PHF21B: variants seen among roughly 807,000 people sequenced by gnomAD.
The protein encoded by PHF21B is PHD finger protein 21B.
PHF21B carries 22 observed loss-of-function variants against 62.2 expected under a neutral mutation model. That is an observed-to-expected ratio of 0.35 (90% CI 0.25 to 0.51). The LOEUF is 0.51. Among genes scored for constraint, PHF21B ranks in the 20% least tolerant of loss-of-function variants. The pLI is 0.97. For missense variants in PHF21B, 701 were observed against 707.9 expected (o/e 0.99, Z 0.11); for synonymous variants, 341 against 314.7 (o/e 1.08, Z -0.88).
intron 2 of PHF21B, among the ~76,000 whole-genome samples, chr22:44,949,321 A>AG (rs1367998791): frequency 6.6e-6 from 1 of 151,394 alleles, no homozygotes; most frequent in African/African-American, 2.4e-5. Flanking sequence ...AAAAAAAAAA[A>AG]AAAAGAAAAA....
chr22:44,941,865 G>T (rs958830281), intron 2 of PHF21B, among the ~76,000 whole-genome samples: 2 of 152,194 alleles, frequency 1.3e-5, no homozygotes, highest in Admixed American at 1.3e-4. Context: ...CCCAGGTACA[G>T]GGGACACAGC....
chr22:44,906,913 G>C (rs2071260993), intron 5 of PHF21B, among the ~76,000 whole-genome samples: 1 of 151,944 alleles, frequency 6.6e-6, no homozygotes, highest in Admixed American at 6.5e-5. Flanking sequence ...AGAAGGGGAA[G>C]CACAGTCAGC....
intron 2 of PHF21B, among the ~76,000 whole-genome samples, chr22:45,007,912 G>A (rs142063643): frequency 7.2e-5 from 11 of 152,080 alleles, no homozygotes; most frequent in South Asian, 4.2e-4. Context: ...GGGCCCGGAG[G>A]GGGGGGAGCG....
In PHF21B at chr22:44,951,034, G is replaced by A. The variant is rs568263163; in HGVS notation, c.121-30544C>T. ...TCTGACGTAAAGCCTGCCGCCAGACGCAGCGGTACAACTGAAGTACATCAA... is the reference window on the plus strand; with the variant it reads ...TCTGACGTAAAGCCTGCCGCCAGACACAGCGGTACAACTGAAGTACATCAA... On this transcript the variant is annotated intron_variant, in intron 2 of 12. Transcript: ENST00000313237. Among the ~76,000 whole-genome samples, 58 of 152,212 alleles carry A rather than the reference G, an allele frequency of 3.8e-4. No individual in the cohort carries two copies. In the Middle Eastern group the frequency reaches 0.01, roughly 27 times the overall value.
Position 44,952,274 on chromosome 22 carries a change from C to T in PHF21B, c.121-31784G>A, listed in dbSNP as rs190054694. ...AGGAGAATCGCTTGAACTCGAGAGT[C>T]GGAGGTTGCAGTGAGCCGAGATCGC... On this transcript the variant is annotated intron_variant, in intron 2 of 12. Transcript: ENST00000313237. 6.5e-4 allele frequency among the ~76,000 whole-genome samples: 99 copies of T among 152,118 alleles called. 1 individual carries two copies. The East Asian group carries it at 0.013, about 20-fold the overall frequency.
chr22:44,927,730 T>G (rs1253544465), intron 2 of PHF21B, among the ~76,000 whole-genome samples: 1 of 152,178 alleles, frequency 6.6e-6, no homozygotes. Context: ...CATTTTTTTC[T>G]GGCAAGGGCT....
intron 12 of PHF21B, among the ~76,000 whole-genome samples, chr22:44,884,289 ATT>A (rs1409018450): frequency 1.6e-5 from 2 of 127,230 alleles, no homozygotes; most frequent in Admixed American, 7.4e-5. Context: ...CATGATCACC[ATT>A]ATCACCACCA....
At chr22:44,995,992 G>A (rs889353541) in intron 2 of PHF21B, among the ~76,000 whole-genome samples, 4 of 152,158 alleles carry the variant, frequency 2.6e-5, no homozygotes, top group Non-Finnish European at 5.9e-5. Flanking sequence ...ATCTGCAGGG[G>A]TGTCCCTTCT....
At chr22:44,890,820 G>A (rs540827235) in intron 8 of PHF21B, among the ~76,000 whole-genome samples, 8 of 152,368 alleles carry the variant, frequency 5.3e-5, no homozygotes, top group African/African-American at 1.9e-4. Context: ...GGAGCCCTCG[G>A]CTCCAACACA....
chr22:44,899,981 CT>C (rs2071128790), intron 5 of PHF21B, among the ~76,000 whole-genome samples: 1 of 152,136 alleles, frequency 6.6e-6, no homozygotes, highest in African/African-American at 2.4e-5. Flanking sequence ...TACTTCTATG[CT>C]GTTAAAAATG....
chr22:44,968,326 A>G (rs1379790898), intron 2 of PHF21B, among the ~76,000 whole-genome samples: 6 of 152,174 alleles, frequency 3.9e-5, no homozygotes, highest in Non-Finnish European at 7.4e-5. Flanking sequence ...GATGCAACAC[A>G]TATTGAGTAT....
At chr22:44,991,232 T>C in intron 2 of PHF21B, among the ~76,000 whole-genome samples, 1 of 151,998 alleles carries the variant, frequency 6.6e-6, no homozygotes, top group East Asian at 1.9e-4. Flanking sequence ...CAAAAAAGCT[T>C]GATGTGCACG....
At chr22:44,992,140 C>T (rs1430534075) in intron 2 of PHF21B, among the ~76,000 whole-genome samples, 1 of 152,240 alleles carries the variant, frequency 6.6e-6, no homozygotes, top group Non-Finnish European at 1.5e-5. Flanking sequence ...CTAACTTCAG[C>T]AGAAATTCAG....
chr22:44,952,180 T>TA (rs1366329776), intron 2 of PHF21B, among the ~76,000 whole-genome samples: 5 of 151,906 alleles, frequency 3.3e-5, no homozygotes, highest in African/African-American at 7.3e-5. Context: ...TCGTCTCTAT[T>TA]AAAAAAACAA....
intron 2 of PHF21B, among the ~76,000 whole-genome samples, chr22:44,949,472 T>C (rs1220597075): frequency 6.6e-6 from 1 of 152,200 alleles, no homozygotes; most frequent in Non-Finnish European, 1.5e-5. Context: ...AATTTGGCTT[T>C]GAATGCAGCC....
chr22:44,954,321 G>A (rs1009650780), intron 2 of PHF21B, among the ~76,000 whole-genome samples: 17 of 152,244 alleles, frequency 1.1e-4, no homozygotes, highest in Non-Finnish European at 1.9e-4. Context: ...ACCCAGCGCA[G>A]GACACGCAGG....
At chr22:45,004,898 A>G (rs973456182) in intron 2 of PHF21B, among the ~76,000 whole-genome samples, 1 of 152,238 alleles carries the variant, frequency 6.6e-6, no homozygotes, top group Non-Finnish European at 1.5e-5. Context: ...GGTAGTGCAC[A>G]AGGTCCCAAG....
intron 5 of PHF21B, chr22:44,901,633 A>G (rs1415493589): frequency 8.6e-6 from 4 of 467,092 alleles, no homozygotes; most frequent in Non-Finnish European, 1.4e-5. Context: ...ACCCGAAGCC[A>G]AGAAGGCTGA....
chr22:44,888,641 G>A (rs914385663), intron 9 of PHF21B, among the ~76,000 whole-genome samples: 4 of 152,190 alleles, frequency 2.6e-5, no homozygotes, highest in Admixed American at 6.5e-5. Flanking sequence ...CACCATCCAC[G>A]TGTCAACAGC....
Sources: allele counts gnomAD v4.1 joint callset (sites outside exome capture counted in the v4.1 genomes callset), GRCh38; gene constraint gnomAD v4.1.1; transcripts MANE v1.5; gene names NCBI Gene and HGNC (gene_info 2026-07-23, HGNC 2026-07-21).